The following PSD3 variants were observed in gnomAD, a reference collection of about 807,000 sequenced individuals.
PSD3 encodes the protein pleckstrin and Sec7 domain containing 3.
In PSD3, 49 loss-of-function variants were observed where a neutral mutation model predicts 105.5. The ratio of observed to expected loss-of-function variants is 0.46; its 90% confidence interval spans 0.37 to 0.59. The LOEUF (loss-of-function observed/expected upper bound fraction) is 0.59. Ranked by LOEUF, PSD3 falls within the 20% of genes least tolerant of loss-of-function variation. The pLI is 0.00. For synonymous variants in PSD3, 557 were observed against 457.8 expected (o/e 1.22, Z -2.77); for missense variants, 1,561 against 1,263.8 (o/e 1.24, Z -3.57).
intron 13 of PSD3, among the ~76,000 whole-genome samples, chr8:18,573,092 C>T (rs2468977): frequency 1 from 151,858 of 152,348 alleles, 75,686 homozygotes; most frequent in Middle Eastern, 1. Flanking sequence ...TGGAAAACAG[C>T]TGACAGGTTC....
At chr8:18,619,614 G>C (rs918806668) in intron 11 of PSD3, among the ~76,000 whole-genome samples, 3 of 151,186 alleles carry the variant, frequency 2.0e-5, no homozygotes, top group Non-Finnish European at 2.9e-5. Flanking sequence ...CTGCACTCCA[G>C]CCTGGGCAAC....
chr8:18,592,930 C>G lies in PSD3; in HGVS notation c.2481+7434G>C, dbSNP rs182087783. Among the ~76,000 whole-genome samples the G allele has an allele frequency of 4.3e-3, 653 of 152,238 alleles. 4 individuals carry two copies. The highest frequency in any genetic ancestry group is 0.015 in the African/African-American group (615 of 41,556). Reference sequence around the variant, plus strand: ...AAACTGGCTAGCCATATGTAGAAAGCTGAAACTGGATCCCTTCCTTACACC... The same window carrying G: ...AAACTGGCTAGCCATATGTAGAAAGGTGAAACTGGATCCCTTCCTTACACC... On this transcript the variant is annotated intron_variant, in intron 12 of 15. Transcript: ENST00000327040.
chr8:18,850,194 A>G lies in PSD3; in HGVS notation c.1634+17480T>C, dbSNP rs543101390. Among the ~76,000 whole-genome samples, 48 of 152,344 alleles carry G rather than the reference A, an allele frequency of 3.2e-4. No homozygotes were observed. In the South Asian group the frequency reaches 9.9e-3, roughly 32 times the overall value. On this transcript the variant is annotated intron_variant, in intron 4 of 15. Coordinates refer to ENST00000327040, the MANE Select transcript of PSD3 (RefSeq NM_015310.4). The stretch of plus-strand genomic sequence containing the variant: ...AAACCAGAACCACAGCAATGCAAAC[A>G]TCTCCCACATAGCCTGGCAAAGGCC...
At chr8:18,708,230 A>T (rs1156962458) in intron 9 of PSD3, among the ~76,000 whole-genome samples, 1 of 152,192 alleles carries the variant, frequency 6.6e-6, no homozygotes, top group Non-Finnish European at 1.5e-5. Context: ...AAGGATAAAG[A>T]CAACAGAAAA....
intron 2 of PSD3, among the ~76,000 whole-genome samples, chr8:18,883,868 C>G (rs982468022): frequency 6.6e-6 from 1 of 152,068 alleles, no homozygotes; most frequent in Non-Finnish European, 1.5e-5. Context: ...ATCTGTTTTC[C>G]CTCCTTTCTA....
intron 8 of PSD3, among the ~76,000 whole-genome samples, chr8:18,798,906 C>T (rs2638621): frequency 0.04 from 6,024 of 152,228 alleles, 141 homozygotes; most frequent in African/African-American, 0.058. Context: ...AGTTATTCAA[C>T]TCACTATGGT....
At chr8:18,972,129 C>G (rs1315743034) in intron 1 of PSD3, among the ~76,000 whole-genome samples, 2 of 152,202 alleles carry the variant, frequency 1.3e-5, no homozygotes, top group African/African-American at 4.8e-5. Context: ...CCTATTTCCT[C>G]AATCTATTTT....
At chr8:18,585,121 T>C (rs1264951339) in intron 12 of PSD3, among the ~76,000 whole-genome samples, 1 of 152,134 alleles carries the variant, frequency 6.6e-6, no homozygotes, top group Non-Finnish European at 1.5e-5. Context: ...TAGGAGGATT[T>C]ATGGAGGCAT....
chr8:18,721,664 C>A (rs1358847609), intron 9 of PSD3, among the ~76,000 whole-genome samples: 1 of 152,112 alleles, frequency 6.6e-6, no homozygotes, highest in Non-Finnish European at 1.5e-5. Context: ...AACCATACTG[C>A]ATAAACCGAT....
intron 1 of PSD3, among the ~76,000 whole-genome samples, chr8:19,083,561 G>C (rs1829710966): frequency 6.6e-6 from 1 of 152,196 alleles, no homozygotes; most frequent in African/African-American, 2.4e-5. Context: ...AGGTGTGTTG[G>C]GGAGATGGAA....
chr8:18,588,057 G>C (rs1488924), intron 12 of PSD3, among the ~76,000 whole-genome samples: 5,531 of 152,164 alleles, frequency 0.036, 164 homozygotes, highest in East Asian at 0.11. Flanking sequence ...AGGGGAAGAA[G>C]TTTAACTATC....
At chr8:18,899,261 C>A (rs182901455) in intron 2 of PSD3, among the ~76,000 whole-genome samples, 2 of 152,216 alleles carry the variant, frequency 1.3e-5, no homozygotes, top group Admixed American at 1.3e-4. Flanking sequence ...TCTTGAAATC[C>A]TTCCTCACCA....
intron 8 of PSD3, among the ~76,000 whole-genome samples, chr8:18,788,919 A>AAATTTTAAAACCTT (rs1311357388): frequency 1.1e-4 from 16 of 152,154 alleles, no homozygotes; most frequent in African/African-American, 3.6e-4. Flanking sequence ...TTTTAAATGT[A>AAATTTTAAAACCTT]TGACTGGGGG....
chr8:18,863,575 G>T (rs1328083500), intron 4 of PSD3, among the ~76,000 whole-genome samples: 2 of 152,122 alleles, frequency 1.3e-5, no homozygotes, highest in Admixed American at 1.3e-4. Context: ...CATTAGGCTG[G>T]TGCAAAAGTA....
At chr8:18,551,379 T>C (rs536209345) in intron 15 of PSD3, among the ~76,000 whole-genome samples, 1 of 152,348 alleles carries the variant, frequency 6.6e-6, no homozygotes, top group African/African-American at 2.4e-5. Flanking sequence ...TATGAATGGT[T>C]ATGGGCTTCC....
intron 9 of PSD3, among the ~76,000 whole-genome samples, chr8:18,740,439 C>G (rs528482641): frequency 6.8e-4 from 103 of 152,234 alleles, no homozygotes; most frequent in African/African-American, 2.3e-3. Context: ...TTGCAAAATT[C>G]TCAAGTAGAA....
rs560303561 is a variant in PSD3, at chr8:19,026,984, T to C, written c.324+57222A>G. On this transcript the variant is annotated intron_variant, in intron 1 of 1. Transcript: ENST00000521475. ...ATTTTGGGCAAGAATAGTATGTTGT[T>C]TAAGAATTTCTTTGATTTCAGTGGC... 2.0e-5 allele frequency among the ~76,000 whole-genome samples: 3 copies of C among 152,284 alleles called. No individual in the cohort carries two copies. The South Asian group carries it at 6.2e-4, about 32-fold the overall frequency.
chr8:19,052,654 C>G (rs184026654), intron 1 of PSD3, among the ~76,000 whole-genome samples: 1 of 152,002 alleles, frequency 6.6e-6, no homozygotes, highest in African/African-American at 2.4e-5. Flanking sequence ...TCAGCTAATT[C>G]GGAAGTCCAA....
At chr8:18,767,754 GATAA>G (rs766535155) in intron 8 of PSD3, among the ~76,000 whole-genome samples, 1 of 151,464 alleles carries the variant, frequency 6.6e-6, no homozygotes, top group East Asian at 2.0e-4. Flanking sequence ...TCTCAAAACA[GATAA>G]ATAAATAAAA....
Sources: allele counts gnomAD v4.1 joint callset (sites outside exome capture counted in the v4.1 genomes callset), GRCh38; gene constraint gnomAD v4.1.1; transcripts MANE v1.5; gene names NCBI Gene and HGNC (gene_info 2026-07-23, HGNC 2026-07-21).